Variants in SLC9C1 observed in about 807,000 individuals in gnomAD.
SLC9C1 encodes solute carrier family 9 member C1.
Under a neutral mutation model 140.9 loss-of-function variants are expected in SLC9C1, and 97 were observed. The ratio of observed to expected loss-of-function variants is 0.69; its 90% CI spans 0.58 to 0.82. The LOEUF is 0.82. Ranked by LOEUF, SLC9C1 falls within the 40% of genes least tolerant of loss-of-function variation. The pLI is 0.00. For missense variants in SLC9C1, 1,340 were observed against 1,389.3 expected (o/e 0.96, Z 0.56); for synonymous variants, 440 against 442.6 (o/e 0.99, Z 0.07).
intron 23 of SLC9C1, 79 bp from the exon 24 acceptor site, chr3:112,169,407 A>G: frequency 3.0e-6 from 4 of 1,352,992 alleles, no homozygotes; most frequent in Non-Finnish European, 4.0e-6. Flanking sequence ...GTTTATGTAC[A>G]CTATTAAAGC....
At chr3:112,170,939 C>T (rs1353889095) in intron 23 of SLC9C1, among the ~76,000 whole-genome samples, 4 of 152,190 alleles carry the variant, frequency 2.6e-5, no homozygotes, top group African/African-American at 9.6e-5. Context: ...TTCAGCTGGG[C>T]GTGGTGGCTC....
At chr3:112,166,566 C>G (rs1273178226) in intron 26 of SLC9C1, among the ~76,000 whole-genome samples, 2 of 152,016 alleles carry the variant, frequency 1.3e-5, no homozygotes, top group African/African-American at 4.8e-5. Context: ...TTTGGTTGAT[C>G]TCTTGATTGG....
chr3:112,169,208 A>C lies in SLC9C1; in HGVS notation c.3040T>G (p.Leu1014Val), dbSNP rs764639667. The C allele has an allele frequency of 5.0e-6, 8 of 1,612,726 alleles. No homozygotes were observed. Among genetic ancestry groups the C allele is most frequent in the Non-Finnish European group, 6.8e-6 (8 of 1,179,602 alleles). The change falls in exon 24 of 29, where the codon TTA becomes GTA. Residue 1014 changes from leucine to valine, a missense_variant. Leu to Val is a conservative substitution (Grantham distance 32, BLOSUM62 1). Transcript: ENST00000305815. Reference sequence around the variant, plus strand: ...CAAGCACTTCCTACCTCATAAGATAAGTGTTCTCTGATTTTTCTGGCTGTA... The same window carrying C: ...CAAGCACTTCCTACCTCATAAGATACGTGTTCTCTGATTTTTCTGGCTGTA... ...AITARKIREH[L>V]SYEDWNYNMQ... is the part of the protein sequence containing the mutation.
chr3:112,288,034 C>G (rs1228935534), intron 1 of SLC9C1, among the ~76,000 whole-genome samples: 1 of 104,402 alleles, frequency 9.6e-6, no homozygotes, highest in East Asian at 2.9e-4. Flanking sequence ...CAGAGCAAGA[C>G]TCCGTCTCAA....
intron 10 of SLC9C1, among the ~76,000 whole-genome samples, chr3:112,245,571 T>C (rs539796373): frequency 6.6e-6 from 1 of 152,094 alleles, no homozygotes; most frequent in Non-Finnish European, 1.5e-5. Flanking sequence ...CTTATTATAC[T>C]CCATCTTTTT....
At chr3:112,173,851 T>C (rs1210733739) in intron 23 of SLC9C1, among the ~76,000 whole-genome samples, 1 of 152,228 alleles carries the variant, frequency 6.6e-6, no homozygotes, top group African/African-American at 2.4e-5. Context: ...CTCTTAGAAA[T>C]TGCCAACGTT....
At chr3:112,218,525 C>T (rs1221499582) in intron 14 of SLC9C1, among the ~76,000 whole-genome samples, 1 of 151,676 alleles carries the variant, frequency 6.6e-6, no homozygotes, top group South Asian at 2.1e-4. Flanking sequence ...ATATAATATG[C>T]GGTAAATAAA....
chr3:112,210,605 A>C (rs4682092), intron 15 of SLC9C1, among the ~76,000 whole-genome samples: 1 of 152,072 alleles, frequency 6.6e-6, no homozygotes, highest in Non-Finnish European at 1.5e-5. Context: ...AAATAACACT[A>C]AATTATACAC....
rs2107972814 is a variant in SLC9C1 at position 112,185,544 on chromosome 3, G to A, written c.2524-3286C>T. ...GACTTGCACAGGGGCCCCGTCAGGC[G>A]ATCTCCGCAGCACACACACTGTGGG... is the stretch of plus-strand genomic sequence containing the variant. On this transcript the variant is annotated intron_variant, in intron 20 of 28. Coordinates refer to ENST00000305815, the MANE Select transcript of SLC9C1 (RefSeq NM_183061.3). 10 of 1,613,260 alleles carry A rather than the reference G, an allele frequency of 6.2e-6. No individual in the cohort carries two copies. In the South Asian group the frequency reaches 8.8e-5, roughly 14 times the overall value.
At chr3:112,152,140 T>C (rs1332970106) in intron 27 of SLC9C1, among the ~76,000 whole-genome samples, 177 bp from the exon 28 acceptor site, 1 of 152,152 alleles carries the variant, frequency 6.6e-6, no homozygotes, top group Non-Finnish European at 1.5e-5. Flanking sequence ...GCACTCAGCA[T>C]AGGGAAGACC....
chr3:112,278,588 A>G, intron 4 of SLC9C1, 141 bp downstream of exon 4: 1 of 841,952 alleles, frequency 1.2e-6, no homozygotes, highest in Non-Finnish European at 1.7e-6. Context: ...CTTATTCACT[A>G]AATGATGAAG....
At chr3:112,243,923 T>G in intron 11 of SLC9C1, 72 bp downstream of exon 11, 7 of 1,101,552 alleles carry the variant, frequency 6.4e-6, no homozygotes, top group Non-Finnish European at 9.1e-6. Context: ...GATTCTTTCT[T>G]TATTATTAGC....
intron 26 of SLC9C1, among the ~76,000 whole-genome samples, chr3:112,159,731 G>A (rs913086583): frequency 2.6e-5 from 4 of 151,918 alleles, no homozygotes; most frequent in South Asian, 2.1e-4. Flanking sequence ...TTACATATCT[G>A]GGGACTCTGA....
intron 16 of SLC9C1, among the ~76,000 whole-genome samples, chr3:112,205,397 A>C (rs1426479570): frequency 2.7e-5 from 4 of 149,862 alleles, no homozygotes; most frequent in Non-Finnish European, 5.9e-5. Context: ...TCAACGAAAT[A>C]AAAGAGGATA....
intron 4 of SLC9C1, 69 bp from the exon 5 acceptor site, chr3:112,277,929 A>C: frequency 1.5e-6 from 2 of 1,331,326 alleles, no homozygotes; most frequent in Non-Finnish European, 2.1e-6. Context: ...GAAAATAATC[A>C]GGATTATTGG....
intron 17 of SLC9C1, among the ~76,000 whole-genome samples, chr3:112,203,729 A>G (rs961080511): frequency 1.3e-5 from 2 of 151,948 alleles, no homozygotes; most frequent in African/African-American, 2.4e-5. Flanking sequence ...ACCACCCATA[A>G]TATTTGTTAT....
chr3:112,165,687 G>T (rs141100367), intron 26 of SLC9C1, among the ~76,000 whole-genome samples: 1,977 of 152,314 alleles, frequency 0.013, 24 homozygotes, highest in Admixed American at 0.026. Flanking sequence ...CCTACTGGGG[G>T]GTGCCTCCCA....
At chr3:112,177,417 A>C (rs964610389) in intron 23 of SLC9C1, among the ~76,000 whole-genome samples, 1 of 151,756 alleles carries the variant, frequency 6.6e-6, no homozygotes, top group East Asian at 1.9e-4. Flanking sequence ...GAACCACCAC[A>C]CAGGCTACTT....
At chr3:112,240,336 G>A (rs1255855892) in intron 11 of SLC9C1, among the ~76,000 whole-genome samples, 1 of 152,144 alleles carries the variant, frequency 6.6e-6, no homozygotes, top group Non-Finnish European at 1.5e-5. Flanking sequence ...TGATATATGA[G>A]GAAACAAAGA....
Sources: allele counts gnomAD v4.1 joint callset (sites outside exome capture counted in the v4.1 genomes callset), GRCh38; gene constraint gnomAD v4.1.1; transcripts MANE v1.5; gene names NCBI Gene and HGNC (gene_info 2026-07-23, HGNC 2026-07-21).